Variants in RRAS2 observed in about 807,000 individuals in gnomAD.
RRAS2 encodes the protein RAS related 2.
Under a neutral mutation model 27.6 loss-of-function variants are expected in RRAS2, and 7 were observed. The ratio of observed to expected loss-of-function variants is 0.25; its 90% CI spans 0.14 to 0.48. RRAS2 has a LOEUF of 0.48. RRAS2 is among the 20% of genes least tolerant of loss of function. RRAS2 has a pLI of 0.99. For synonymous variants in RRAS2, 86 were observed against 90.9 expected (o/e 0.95, Z 0.31); for missense variants, 178 against 256.2 (o/e 0.69, Z 2.08).
At chr11:14,310,855 C>T (rs1163049605) in intron 1 of RRAS2, among the ~76,000 whole-genome samples, 4 of 152,160 alleles carry the variant, frequency 2.6e-5, no homozygotes, top group Non-Finnish European at 5.9e-5. Flanking sequence ...CTAATTGTAA[C>T]CTATTGTGTG....
rs568567711 is a variant in RRAS2 at position 14,290,031 on chromosome 11, A to T, written c.408+4440T>A. 2.0e-5 allele frequency among the ~76,000 whole-genome samples: 3 copies of T among 152,338 alleles called. No homozygotes were observed. The South Asian group carries it at 6.2e-4, about 32-fold the overall frequency. ...ACCTACAGATGACAAAAAACTAAAC[A>T]TCTCTGAACAGGCGGAAAGAAGCTT... On this transcript the variant is annotated intron_variant, in intron 4 of 5. Transcript: ENST00000256196.
chr11:14,329,473 T>C (rs782185505), intron 1 of RRAS2, among the ~76,000 whole-genome samples: 9 of 152,204 alleles, frequency 5.9e-5, no homozygotes, highest in Non-Finnish European at 1.3e-4. Context: ...GTTAGGCTTT[T>C]AGACCCCTCG....
chr11:14,286,392 G>A (rs1349533566), intron 4 of RRAS2, among the ~76,000 whole-genome samples: 1 of 152,112 alleles, frequency 6.6e-6, no homozygotes, highest in African/African-American at 2.4e-5. Flanking sequence ...TCATGCTCTA[G>A]GTTTTGTTAC....
intron 1 of RRAS2, among the ~76,000 whole-genome samples, chr11:14,320,816 T>C (rs782787398): frequency 4.6e-5 from 7 of 152,146 alleles, no homozygotes; most frequent in African/African-American, 7.2e-5. Context: ...TATAAAGTAG[T>C]ATGCAGTAAA....
At chr11:14,282,260 A>T (rs1849560188) in intron 4 of RRAS2, among the ~76,000 whole-genome samples, 1 of 152,212 alleles carries the variant, frequency 6.6e-6, no homozygotes, top group African/African-American at 2.4e-5. Context: ...GTGAGGATGG[A>T]GAAAAGTGTA....
intron 1 of RRAS2, among the ~76,000 whole-genome samples, chr11:14,319,706 A>G (rs1484830839): frequency 2.6e-5 from 4 of 152,112 alleles, no homozygotes; most frequent in Non-Finnish European, 5.9e-5. Flanking sequence ...TTTACCATAC[A>G]TGATGGAGAA....
In RRAS2 at chr11:14,315,129, G is replaced by A. The variant is rs368821368; in HGVS notation, c.109-19274C>T. ...CAAAATTAGACAGCATCCTCATTCC[G>A]TAAGTGTGAGCTGCACATAAGGACT... On this transcript the variant is annotated intron_variant, in intron 1 of 5. Transcript: ENST00000256196. Among the ~76,000 whole-genome samples the A allele has an allele frequency of 1.1e-3, 172 of 152,236 alleles. 1 individual carries two copies. Among genetic ancestry groups the A allele is most frequent in the South Asian group, 6.4e-3 (31 of 4,818 alleles).
At chr11:14,300,296 G>T (rs1554947181) in intron 1 of RRAS2, among the ~76,000 whole-genome samples, 1 of 152,196 alleles carries the variant, frequency 6.6e-6, no homozygotes, top group Non-Finnish European at 1.5e-5. Context: ...ATGAACTTCA[G>T]TTTCTTTAAC....
At chr11:14,342,442 C>A (rs781935541) in intron 1 of RRAS2, among the ~76,000 whole-genome samples, 12 of 152,142 alleles carry the variant, frequency 7.9e-5, no homozygotes, top group Non-Finnish European at 1.6e-4. Flanking sequence ...AGGGTTGTAA[C>A]TGGTAGAAAA....
rs528280308 is a variant in RRAS2 at position 14,286,802 on chromosome 11, T to C, written c.409-5082A>G. Among the ~76,000 whole-genome samples, 19 of 152,346 alleles carry C rather than the reference T, an allele frequency of 1.2e-4. No individual in the cohort carries two copies. The East Asian group carries it at 3.7e-3, about 29-fold the overall frequency. ...CCTTGTCTCTCTTCAAAATAACGTA[T>C]GTGCCACAAGGCTATGCATTTGAAA... On this transcript the variant is annotated intron_variant, in intron 4 of 5. Transcript: ENST00000256196.
At chr11:14,302,710 T>TCA (rs1236795953) in intron 1 of RRAS2, among the ~76,000 whole-genome samples, 1 of 152,124 alleles carries the variant, frequency 6.6e-6, no homozygotes, top group Non-Finnish European at 1.5e-5. Flanking sequence ...CAGTGACTGT[T>TCA]ATGTAGCCTC....
chr11:14,310,265 C>CT (rs1369951582), intron 1 of RRAS2, among the ~76,000 whole-genome samples: 1 of 152,138 alleles, frequency 6.6e-6, no homozygotes, highest in Non-Finnish European at 1.5e-5. Context: ...TGTTAAGACA[C>CT]TTATTAGACA....
At position 14,358,721 on chromosome 11, in the gene RRAS2, C is replaced by T. The variant is rs782684347; in HGVS notation, c.108+42G>A. 1.7e-6 allele frequency: 2 copies of T among 1,207,300 alleles called. No homozygotes were observed. The highest frequency in any genetic ancestry group is 2.1e-6 in the Non-Finnish European group (2 of 965,786). 74.8% of individuals were successfully genotyped at this position (1,207,300 alleles called of 1,614,324 possible). A position where few individuals can be genotyped will look rare whatever the true frequency, so the allele number is the denominator to read the frequency against. ...CGCCACAGGTAGCGCCAGCCCCCGC[C>T]CGCCGCCGCTCCGGCGCCCCGGGCA... On this transcript the variant is annotated intron_variant, in intron 1 of 5. Coordinates refer to ENST00000256196, the MANE Select transcript of RRAS2 (RefSeq NM_012250.6). This position sits in a 1 kb window ranked among gnomAD's most constrained non-coding sequence, Gnocchi z 5.1.
chr11:14,335,845 A>G (rs1554952488), intron 1 of RRAS2, among the ~76,000 whole-genome samples: 2 of 152,228 alleles, frequency 1.3e-5, no homozygotes, highest in East Asian at 3.8e-4. Context: ...AGACAAAAAA[A>G]GTACTAACAA....
intron 1 of RRAS2, among the ~76,000 whole-genome samples, chr11:14,304,952 A>C (rs1366794336): frequency 6.6e-6 from 1 of 152,206 alleles, no homozygotes; most frequent in African/African-American, 2.4e-5. Context: ...TTTGACTGAA[A>C]TTAGTATTTC....
intron 1 of RRAS2, among the ~76,000 whole-genome samples, chr11:14,317,704 T>A (rs1487871283): frequency 6.6e-6 from 1 of 152,230 alleles, no homozygotes; most frequent in Non-Finnish European, 1.5e-5. Context: ...AAGAAGCAGA[T>A]GATGAATGAA....
At chr11:14,292,311 C>T (rs1432008804) in intron 4 of RRAS2, among the ~76,000 whole-genome samples, 1 of 152,158 alleles carries the variant, frequency 6.6e-6, no homozygotes, top group African/African-American at 2.4e-5. Context: ...GGTCTCCTAC[C>T]TATTCCTTTA....
chr11:14,317,530 A>G (rs782520594), intron 1 of RRAS2, among the ~76,000 whole-genome samples: 20 of 152,372 alleles, frequency 1.3e-4, no homozygotes, highest in Admixed American at 3.3e-4. Flanking sequence ...TAGTGAGCCA[A>G]GACCGTGCCA....
intron 1 of RRAS2, among the ~76,000 whole-genome samples, chr11:14,305,536 T>A (rs547795596): frequency 1.3e-5 from 2 of 152,342 alleles, no homozygotes; most frequent in African/African-American, 2.4e-5. Context: ...CTTCTCAGCC[T>A]GACCTAACTC....
Sources: allele counts gnomAD v4.1 joint callset (sites outside exome capture counted in the v4.1 genomes callset), GRCh38; gene constraint gnomAD v4.1.1; non-coding constraint Gnocchi (gnomAD v3.1); transcripts MANE v1.5; gene names NCBI Gene and HGNC (gene_info 2026-07-23, HGNC 2026-07-21).